The following NCK2 variants were observed in gnomAD, a reference collection of about 807,000 sequenced individuals.
NCK2 encodes the protein cytoplasmic protein NCK2.
In NCK2, 16 loss-of-function variants were observed where a neutral mutation model predicts 33.9. The ratio of observed to expected loss-of-function variants is 0.47; its 90% CI spans 0.32 to 0.72. The LOEUF (loss-of-function observed/expected upper bound fraction) is 0.72. NCK2 is among the 30% of genes least tolerant of loss of function. The pLI is 0.03. For synonymous variants in NCK2, 273 were observed against 239.9 expected (o/e 1.14, Z -1.27); for missense variants, 418 against 537.3 (o/e 0.78, Z 2.19).
intron 1 of NCK2, among the ~76,000 whole-genome samples, chr2:105,747,096 C>A (rs1412615132): frequency 1.3e-5 from 2 of 152,206 alleles, no homozygotes; most frequent in Non-Finnish European, 1.5e-5. Context: ...CTGAAGGTGC[C>A]TTGCAGGTGG....
intron 3 of NCK2, among the ~76,000 whole-genome samples, chr2:105,873,894 T>C (rs1057442514): frequency 6.6e-6 from 1 of 152,094 alleles, no homozygotes; most frequent in Non-Finnish European, 1.5e-5. Flanking sequence ...GGCCATGTCC[T>C]CCTAGGGACG....
chr2:105,854,844 T>A (rs1677196438), intron 2 of NCK2: 2 of 501,766 alleles, frequency 4.0e-6, no homozygotes, highest in Admixed American at 6.7e-5. Flanking sequence ...ACATAAGATT[T>A]GTTTTATAAG....
intron 1 of NCK2, 138 bp downstream of exon 1, chr2:105,745,276 G>C (rs1689240490): frequency 6.6e-6 from 1 of 151,618 alleles, no homozygotes; most frequent in Non-Finnish European, 1.5e-5. Context: ...GCGCCCCTCC[G>C]GTGCTCTCGG....
At position 105,881,618 on chromosome 2, in the gene NCK2, G is replaced by A. The variant is rs1678490575; in HGVS notation, c.517G>A (p.Ala173Thr). ...NYVLEEVDEA[A>T]AESPSFLSLR... Reference sequence around the variant, plus strand: ...CGTCTTGGAGGAGGTGGACGAGGCGGCTGCGGAGTCCCCAAGCTTCCTGAG... The same window carrying A: ...CGTCTTGGAGGAGGTGGACGAGGCGACTGCGGAGTCCCCAAGCTTCCTGAG... The change falls in exon 4 of 5, where the codon GCT becomes ACT. Residue 173 changes from alanine to threonine, a missense_variant. Ala to Thr is a moderately conservative substitution (Grantham distance 58). Coordinates refer to ENST00000233154, the MANE Select transcript of NCK2 (RefSeq NM_003581.5). 2 of 1,613,678 alleles carry A rather than the reference G, an allele frequency of 1.2e-6. No individual in the cohort carries two copies. Among genetic ancestry groups the A allele is most frequent in the Non-Finnish European group, 1.7e-6 (2 of 1,179,940 alleles).
chr2:105,783,955 C>T (rs1690586847), intron 1 of NCK2, among the ~76,000 whole-genome samples: 1 of 152,238 alleles, frequency 6.6e-6, no homozygotes, highest in South Asian at 2.1e-4. Flanking sequence ...CTGCAGAAGA[C>T]AGAGTGCCAT....
At chr2:105,783,100 T>A (rs148550295) in intron 1 of NCK2, among the ~76,000 whole-genome samples, 1 of 152,316 alleles carries the variant, frequency 6.6e-6, no homozygotes, top group East Asian at 1.9e-4. Flanking sequence ...GAATAAGAGT[T>A]GCAGAAGGCC....
intron 1 of NCK2, among the ~76,000 whole-genome samples, chr2:105,774,297 C>T (rs1277921005): frequency 6.6e-6 from 1 of 152,136 alleles, no homozygotes; most frequent in South Asian, 2.1e-4. Flanking sequence ...GTGTGAGCCA[C>T]TGTGCCCAGC....
chr2:105,802,694 G>A (rs943686035), intron 1 of NCK2, among the ~76,000 whole-genome samples: 14 of 152,238 alleles, frequency 9.2e-5, no homozygotes, highest in African/African-American at 3.1e-4. Flanking sequence ...ATCCGCCCTC[G>A]CGATGCAGAC....
chr2:105,869,764 C>T (rs1385245075), intron 3 of NCK2, among the ~76,000 whole-genome samples: 1 of 152,038 alleles, frequency 6.6e-6, no homozygotes, highest in Non-Finnish European at 1.5e-5. Context: ...CGCTTGGGCT[C>T]ATGGATCTGG....
At chr2:105,804,956 T>C (rs1178404554) in intron 1 of NCK2, among the ~76,000 whole-genome samples, 1 of 152,170 alleles carries the variant, frequency 6.6e-6, no homozygotes, top group East Asian at 1.9e-4. Context: ...GCTGATCTTA[T>C]AGATGGAACT....
In NCK2 at chr2:105,881,821, C is replaced by T. The variant is rs1678506257; in HGVS notation, c.720C>T (p.Ala240=). ...NDPEWWKCKN[A]RGQVGLVPKN... ...CCGAGTGGTGGAAATGCAAAAATGC[C>T]CGGGGCCAGGTGGGCCTCGTCCCCA... Residue 240 remains alanine (A), a synonymous_variant, in exon 4 of 5, where the codon GCC becomes GCT. Coordinates refer to ENST00000233154, the MANE Select transcript of NCK2 (RefSeq NM_003581.5). 2 of 1,608,830 alleles carry T rather than the reference C, an allele frequency of 1.2e-6. No homozygotes were observed. The highest frequency in any genetic ancestry group is 1.7e-6 in the Non-Finnish European group (2 of 1,176,864).
intron 2 of NCK2, among the ~76,000 whole-genome samples, chr2:105,821,621 CG>C (rs1675743830): frequency 6.6e-6 from 1 of 152,124 alleles, no homozygotes. Flanking sequence ...CACAGTGCCC[CG>C]GTGGTGCAGT....
At chr2:105,863,095 T>A (rs1677606194) in intron 3 of NCK2, among the ~76,000 whole-genome samples, 1 of 152,246 alleles carries the variant, frequency 6.6e-6, no homozygotes, top group South Asian at 2.1e-4. Context: ...TTATTCATCA[T>A]ATCTATATCC....
At position 105,881,747 on chromosome 2, in the gene NCK2, T is replaced by C; in HGVS notation, c.646T>C (p.Phe216Leu). 6.2e-7 allele frequency: 1 copy of C among 1,614,186 alleles called. No homozygotes were observed. Among genetic ancestry groups the C allele is most frequent in the Non-Finnish European group, 8.5e-7 (1 of 1,180,016 alleles). Reference protein sequence around the residue: ...FSSVTEEELNFEKGETMEVIE... With the variant: ...FSSVTEEELNLEKGETMEVIE... ...CTCAGTCACCGAGGAGGAGCTCAAC[T>C]TCGAGAAGGGGGAGACCATGGAGGT... is the stretch of plus-strand genomic sequence containing the variant. The change falls in exon 4 of 5, where the codon TTC becomes CTC. Residue 216 changes from phenylalanine (F) to leucine (L), a missense_variant. Physicochemically the swap from Phe to Leu is conservative, Grantham distance 22. Coordinates refer to ENST00000233154, the MANE Select transcript of NCK2 (RefSeq NM_003581.5).
intron 3 of NCK2, among the ~76,000 whole-genome samples, chr2:105,879,487 T>G (rs1440905131): frequency 6.6e-6 from 1 of 152,276 alleles, no homozygotes; most frequent in Non-Finnish European, 1.5e-5. Context: ...TTTGTGTTTT[T>G]ATATAAGTTA....
Position 105,855,929 on chromosome 2 carries a change from G to T in NCK2, c.226+640G>T, listed in dbSNP as rs554817138. Among the ~76,000 whole-genome samples the T allele has an allele frequency of 9.1e-4, 136 of 149,908 alleles. 1 individual carries two copies. Among genetic ancestry groups the T allele is most frequent in the Non-Finnish European group, 1.5e-4 (10 of 67,824 alleles). On this transcript the variant is annotated intron_variant, in intron 3 of 4. Transcript: ENST00000233154. ...GCCTCACTGCAAGCTCCACCTCCTG[G>T]GTTCACACCATTCTCCTGCCTCAGC... is the stretch of plus-strand genomic sequence containing the variant.
intron 3 of NCK2, among the ~76,000 whole-genome samples, chr2:105,869,232 C>T (rs1677888949): frequency 6.6e-6 from 1 of 152,062 alleles, no homozygotes; most frequent in African/African-American, 2.4e-5. Context: ...GCGTGCATAC[C>T]TTGTTGAGAA....
chr2:105,776,976 G>A (rs955245928), intron 1 of NCK2, among the ~76,000 whole-genome samples: 1 of 151,528 alleles, frequency 6.6e-6, no homozygotes, highest in African/African-American at 2.4e-5. Flanking sequence ...TCACGAGAGT[G>A]TGAAGGGCTG....
intron 3 of NCK2, among the ~76,000 whole-genome samples, chr2:105,872,112 A>G (rs1392589766): frequency 6.6e-6 from 1 of 152,224 alleles, no homozygotes; most frequent in East Asian, 1.9e-4. Context: ...CCAGCAGGAC[A>G]CTTAGAAGAG....
Sources: allele counts gnomAD v4.1 joint callset (sites outside exome capture counted in the v4.1 genomes callset), GRCh38; gene constraint gnomAD v4.1.1; transcripts MANE v1.5; gene names NCBI Gene and HGNC (gene_info 2026-07-23, HGNC 2026-07-21).